Variants in SLC39A8 observed in about 807,000 individuals in gnomAD.
The protein encoded by SLC39A8 is solute carrier family 39 member 8.
A neutral mutation model predicts 40.4 loss-of-function variants in SLC39A8; 15 were observed. The ratio of observed to expected loss-of-function variants is 0.37; its 90% CI spans 0.25 to 0.57. The LOEUF is 0.57. Among genes scored for constraint, SLC39A8 ranks in the 20% least tolerant of loss-of-function variants. SLC39A8 has a pLI of 0.75. For missense variants in SLC39A8, 472 were observed against 558.8 expected (o/e 0.84, Z 1.57); for synonymous variants, 223 against 221.6 (o/e 1.01, Z -0.06).
At position 102,272,364 on chromosome 4, in the gene SLC39A8, G is replaced by A. The variant is rs569550199; in HGVS notation, c.841-4285C>T. On this transcript the variant is annotated intron_variant, in intron 6 of 8. Coordinates refer to ENST00000356736, the MANE Select transcript of SLC39A8 (RefSeq NM_001135146.2). ...TGAGGCAGGAGGATGGTGTGAACCC[G>A]GGAGACAGAGCTTGCAGTGAGCCGA... 7.9e-5 allele frequency among the ~76,000 whole-genome samples: 12 copies of A among 151,936 alleles called. No individual in the cohort carries two copies. The South Asian group carries it at 8.3e-4, about 11-fold the overall frequency.
intron 2 of SLC39A8, among the ~76,000 whole-genome samples, chr4:102,343,440 G>GT (rs1277043092): frequency 6.6e-6 from 1 of 152,130 alleles, no homozygotes; most frequent in Non-Finnish European, 1.5e-5. Context: ...AAAACTTCTT[G>GT]TAACAAACTA....
intron 11 of SLC39A8, chr4:102,253,510 G>A (rs568557395): frequency 3.1e-6 from 2 of 639,764 alleles, no homozygotes; most frequent in Non-Finnish European, 5.8e-6. Flanking sequence ...AGTCCTCTAA[G>A]TTGTTAGCTT....
At chr4:102,313,924 C>T (rs2149039507) in intron 3 of SLC39A8, among the ~76,000 whole-genome samples, 1 of 152,112 alleles carries the variant, frequency 6.6e-6, no homozygotes, top group Middle Eastern at 3.4e-3. Flanking sequence ...ACTGGCAAAT[C>T]CCCAGTCTTG....
chr4:102,320,193 A>G (rs868363505), intron 2 of SLC39A8, among the ~76,000 whole-genome samples: 41 of 131,816 alleles, frequency 3.1e-4, no homozygotes, highest in Middle Eastern at 4.0e-3. Context: ...ATATATATGT[A>G]TATATATATG....
chr4:102,291,129 A>G (rs563555268), intron 6 of SLC39A8, among the ~76,000 whole-genome samples: 85 of 151,924 alleles, frequency 5.6e-4, no homozygotes, highest in Non-Finnish European at 1.1e-3. Context: ...TTTCACTTCA[A>G]TGACAAACTC....
At chr4:102,318,166 T>C (rs1347016445) in intron 2 of SLC39A8, among the ~76,000 whole-genome samples, 1 of 151,900 alleles carries the variant, frequency 6.6e-6, no homozygotes, top group Non-Finnish European at 1.5e-5. Context: ...CTACATACAA[T>C]TAGAAAAAAA....
chr4:102,324,041 G>C (rs1735083683), intron 2 of SLC39A8, among the ~76,000 whole-genome samples: 1 of 152,142 alleles, frequency 6.6e-6, no homozygotes, highest in African/African-American at 2.4e-5. Flanking sequence ...TAAAAGCCCA[G>C]ATTTCACCAC....
chr4:102,267,469 T>C (rs1470299502), intron 8 of SLC39A8, 21 bp downstream of exon 8: 10 of 1,562,370 alleles, frequency 6.4e-6, no homozygotes, highest in South Asian at 2.4e-5. Flanking sequence ...TAAAAGAAAA[T>C]ACAAATTTTA....
chr4:102,317,369 C>T (rs1262036926), intron 2 of SLC39A8, among the ~76,000 whole-genome samples: 1 of 151,950 alleles, frequency 6.6e-6, no homozygotes, highest in Non-Finnish European at 1.5e-5. Context: ...TAAGTATGTA[C>T]CTAAAATTGT....
At chr4:102,333,300 A>G (rs1401197239) in intron 2 of SLC39A8, among the ~76,000 whole-genome samples, 2 of 152,184 alleles carry the variant, frequency 1.3e-5, no homozygotes, top group African/African-American at 4.8e-5. Flanking sequence ...TTGAATACTT[A>G]CAGCATGCCA....
downstream of SLC39A8, among the ~76,000 whole-genome samples, chr4:102,261,420 A>C (rs781667325): frequency 1.3e-5 from 2 of 152,258 alleles, no homozygotes; most frequent in Non-Finnish European, 2.9e-5. Flanking sequence ...TGGTAAAGCG[A>C]AACAGTCTAC....
intron 2 of SLC39A8, among the ~76,000 whole-genome samples, chr4:102,336,433 G>A (rs534402964): frequency 6.6e-6 from 1 of 152,132 alleles, no homozygotes; most frequent in Non-Finnish European, 1.5e-5. Context: ...GGTCTAAGAA[G>A]CTCACCAAAT....
At chr4:102,286,688 C>G (rs1733198364) in intron 6 of SLC39A8, among the ~76,000 whole-genome samples, 1 of 152,044 alleles carries the variant, frequency 6.6e-6, no homozygotes, top group Non-Finnish European at 1.5e-5. Context: ...AAAATTGTTT[C>G]AAAAGAAATT....
chr4:102,325,844 G>A (rs565110834), intron 2 of SLC39A8, among the ~76,000 whole-genome samples: 7 of 152,276 alleles, frequency 4.6e-5, no homozygotes, highest in South Asian at 2.1e-4. Context: ...TTTTACTAAA[G>A]AAAAAGAAAG....
rs72924891 is a variant in SLC39A8, at chr4:102,309,438, C to T, written c.383-1833G>A. On this transcript the variant is annotated intron_variant, in intron 3 of 8. Transcript: ENST00000356736. ...CTTCACCTAACAGCCCACTTCATTC[C>T]CATTTATTACCTTATCACCTTAAAC... Among the ~76,000 whole-genome samples, 649 of 152,126 alleles carry T rather than the reference C, an allele frequency of 4.3e-3. 9 individuals carry two copies. The highest frequency in any genetic ancestry group is 0.015 in the African/African-American group (621 of 41,528).
rs138996999 is a variant in SLC39A8 at position 102,295,102 on chromosome 4, T to C, written c.840+9215A>G. 3.9e-3 allele frequency among the ~76,000 whole-genome samples: 580 copies of C among 148,508 alleles called. 1 individual carries two copies. Among genetic ancestry groups the C allele is most frequent in the African/African-American group, 0.013 (551 of 40,954 alleles). On this transcript the variant is annotated intron_variant, in intron 6 of 8. Coordinates refer to ENST00000356736, the MANE Select transcript of SLC39A8 (RefSeq NM_001135146.2). ...CATCTATTTATTAGATAATAATATATATGTATATGATACATATTAATATAT... is the reference window on the plus strand; with the variant it reads ...CATCTATTTATTAGATAATAATATACATGTATATGATACATATTAATATAT...
intron 6 of SLC39A8, among the ~76,000 whole-genome samples, chr4:102,290,648 G>A (rs1174304259): frequency 6.6e-6 from 1 of 151,496 alleles, no homozygotes; most frequent in East Asian, 1.9e-4. Context: ...GTGTGAAGAA[G>A]GTAAACGTCA....
At chr4:102,316,404 T>C (rs185661268) in intron 2 of SLC39A8, among the ~76,000 whole-genome samples, 6 of 152,302 alleles carry the variant, frequency 3.9e-5, no homozygotes, top group Admixed American at 6.5e-5. Context: ...TCAATGACGT[T>C]GGGTAACTTT....
At chr4:102,307,869 T>C (rs1734257511) in intron 3 of SLC39A8, among the ~76,000 whole-genome samples, 1 of 151,760 alleles carries the variant, frequency 6.6e-6, no homozygotes, top group Non-Finnish European at 1.5e-5. Flanking sequence ...TGCAGGGAAA[T>C]TGGAGAACAT....
Sources: allele counts gnomAD v4.1 joint callset (sites outside exome capture counted in the v4.1 genomes callset), GRCh38; gene constraint gnomAD v4.1.1; transcripts MANE v1.5; gene names NCBI Gene and HGNC (gene_info 2026-07-23, HGNC 2026-07-21).